STX6: variants seen among roughly 807,000 people sequenced by gnomAD.
The protein encoded by STX6 is syntaxin 6.
STX6 carries 23 observed loss-of-function variants against 38.0 expected under a neutral mutation model. That is an observed-to-expected ratio of 0.60 (90% CI 0.43 to 0.86). The LOEUF (loss-of-function observed/expected upper bound fraction) is 0.86, where lower values mean the gene tolerates loss of function less well. Ranked by LOEUF, STX6 falls within the 40% of genes least tolerant of loss-of-function variation. STX6 has a pLI of 0.00. For missense variants in STX6, 274 were observed against 312.9 expected (o/e 0.88, Z 0.94); for synonymous variants, 123 against 107.5 (o/e 1.14, Z -0.89).
chr1:180,994,793 G>A (rs1290930638), intron 3 of STX6, among the ~76,000 whole-genome samples: 3 of 151,996 alleles, frequency 2.0e-5, no homozygotes, highest in Non-Finnish European at 4.4e-5. Flanking sequence ...ATAATCTATC[G>A]TATATTTCAA....
intron 6 of STX6, chr1:180,987,603 GT>G (rs924777041): frequency 6.6e-6 from 1 of 152,152 alleles, no homozygotes; most frequent in Non-Finnish European, 1.5e-5. Flanking sequence ...CTGGTGGACT[GT>G]TTTTTCATTT....
intron 1 of STX6, among the ~76,000 whole-genome samples, chr1:181,010,015 G>A (rs757438128): frequency 1.3e-5 from 2 of 152,108 alleles, no homozygotes; most frequent in Non-Finnish European, 2.9e-5. Flanking sequence ...ATAACATTCC[G>A]GAAAAGGCAA....
At chr1:180,990,216 T>A in intron 4 of STX6, 107 bp from the exon 5 acceptor site, 1 of 1,432,634 alleles carries the variant, frequency 7.0e-7, no homozygotes, top group Non-Finnish European at 9.5e-7. Context: ...TTCTTGTCTA[T>A]TTTCCCCTGG....
chr1:181,005,246 C>A, intron 2 of STX6, 48 bp downstream of exon 2: 1 of 1,560,468 alleles, frequency 6.4e-7, no homozygotes, highest in Non-Finnish European at 8.7e-7. Context: ...AAAACTTGTC[C>A]ATTTGTCTAT....
At chr1:180,980,281 T>A (rs1269175376) in intron 7 of STX6, among the ~76,000 whole-genome samples, 1 of 149,388 alleles carries the variant, frequency 6.7e-6, no homozygotes, top group Non-Finnish European at 1.5e-5. Context: ...TAGATGTCAC[T>A]GGGGAAAGGC....
intron 3 of STX6, among the ~76,000 whole-genome samples, chr1:180,998,193 T>C (rs2102315877): frequency 1.3e-5 from 2 of 152,308 alleles, no homozygotes; most frequent in South Asian, 4.1e-4. Flanking sequence ...TTATCATAAT[T>C]AAATGTGTAT....
rs372942522 is a variant in STX6 at position 180,988,223 on chromosome 1, G to C, written c.596+16C>G. ...CCTCAATTTCACTGAAGCGAGAGGG[G>C]TGTCTCAATACTCACACTGCCTGTT... On this transcript the variant is annotated intron_variant, in intron 6 of 7. Transcript: ENST00000258301. 6.3e-6 allele frequency: 10 copies of C among 1,593,668 alleles called. No homozygotes were observed. The African/African-American group carries it at 1.3e-4, about 21-fold the overall frequency.
At chr1:181,001,802 A>G (rs1011933461) in intron 3 of STX6, among the ~76,000 whole-genome samples, 1 of 152,264 alleles carries the variant, frequency 6.6e-6, no homozygotes, top group Non-Finnish European at 1.5e-5. Flanking sequence ...GGTATGGACA[A>G]GGGTCTAATC....
At chr1:181,007,066 T>C (rs577935472) in intron 1 of STX6, among the ~76,000 whole-genome samples, 1 of 152,264 alleles carries the variant, frequency 6.6e-6, no homozygotes, top group African/African-American at 2.4e-5. Flanking sequence ...ATCTGGGTGA[T>C]TTAGTGGAGA....
intron 7 of STX6, among the ~76,000 whole-genome samples, chr1:180,983,070 T>C (rs1309631266): frequency 6.6e-6 from 1 of 152,238 alleles, no homozygotes; most frequent in African/African-American, 2.4e-5. Context: ...AATAAATAAA[T>C]GGTAAACGCA....
intron 1 of STX6, among the ~76,000 whole-genome samples, chr1:181,008,725 T>TTC (rs1440150450): frequency 0.019 from 1,794 of 95,094 alleles, 42 homozygotes; most frequent in African/African-American, 0.071. Flanking sequence ...CTTTCCAAAA[T>TTC]TGTTTTTTTT....
Position 181,022,715 on chromosome 1 carries a change from G to C in STX6, c.-42C>G. 5 of 1,579,904 alleles carry C rather than the reference G, an allele frequency of 3.2e-6. No homozygotes were observed. The highest frequency in any genetic ancestry group is 2.3e-5 in the East Asian group (1 of 42,644). The stretch of plus-strand genomic sequence containing the variant: ...CCGCCTTCACCTCCTCCGCGCACAG[G>C]GCGCCCGTGCCTCCCGGTCTCCCTC... On this transcript the variant is annotated 5_prime_UTR_variant, in exon 1 of 8. Transcript: ENST00000258301.
At chr1:180,997,057 G>A (rs3930261) in intron 3 of STX6, among the ~76,000 whole-genome samples, 1 of 151,984 alleles carries the variant, frequency 6.6e-6, no homozygotes, top group African/African-American at 2.4e-5. Context: ...GAGGGAAACA[G>A]CATGATCTTT....
At chr1:181,014,972 T>C (rs965437832) in intron 1 of STX6, among the ~76,000 whole-genome samples, 1 of 152,170 alleles carries the variant, frequency 6.6e-6, no homozygotes, top group African/African-American at 2.4e-5. Flanking sequence ...AAGTCACGAG[T>C]GAATTTAACT....
At chr1:181,013,154 G>C (rs1656456641) in intron 1 of STX6, among the ~76,000 whole-genome samples, 1 of 135,158 alleles carries the variant, frequency 7.4e-6, no homozygotes, top group African/African-American at 3.0e-5. Context: ...TCCAAATACA[G>C]TCCAAAAAAA....
chr1:180,980,165 C>T (rs187530430), intron 7 of STX6, among the ~76,000 whole-genome samples: 2 of 142,940 alleles, frequency 1.4e-5, no homozygotes, highest in African/African-American at 5.1e-5. Flanking sequence ...TGAGATCGCA[C>T]CTCTGCACTC....
rs763249474 is a variant in STX6, at chr1:180,972,818, G to A, written c.*3752C>T. On this transcript the variant is annotated 3_prime_UTR_variant, in exon 8 of 8. Coordinates refer to ENST00000258301, the MANE Select transcript of STX6 (RefSeq NM_005819.6). ...ATCTCTAAGCTGAGTTACTCTGATCGGAGCTACTGAAAGGTACCTGCTTTC... is the reference window on the plus strand; with the variant it reads ...ATCTCTAAGCTGAGTTACTCTGATCAGAGCTACTGAAAGGTACCTGCTTTC... The A allele has an allele frequency of 1.6e-4, 43 of 261,530 alleles. No individual in the cohort carries two copies. Among genetic ancestry groups the A allele is most frequent in the Admixed American group, 4.3e-4 (9 of 20,708 alleles). 16.2% of individuals were successfully genotyped at this position (261,530 alleles called of 1,614,324 possible).
At chr1:181,002,799 C>A (rs1388425774) in intron 2 of STX6, 99 bp from the exon 3 acceptor site, 2 of 781,144 alleles carry the variant, frequency 2.6e-6, no homozygotes, top group East Asian at 2.7e-5. Context: ...TAAAATCTGG[C>A]TCAAACTTTC....
At chr1:180,996,565 T>C (rs1655920162) in intron 3 of STX6, among the ~76,000 whole-genome samples, 1 of 152,106 alleles carries the variant, frequency 6.6e-6, no homozygotes, top group Non-Finnish European at 1.5e-5. Flanking sequence ...GTAGGATACT[T>C]TGAAAACAAT....
Sources: gnomAD v4.1 joint callset for allele counts (sites outside exome capture counted in the v4.1 genomes callset) on GRCh38, gnomAD v4.1.1 for gene constraint, MANE v1.5 for transcripts, NCBI Gene and HGNC (gene_info 2026-07-23, HGNC 2026-07-21) for gene names.